The following BBOX1 variants were observed in gnomAD, a reference collection of about 807,000 sequenced individuals.
BBOX1 encodes gamma-butyrobetaine dioxygenase.
BBOX1 carries 35 observed loss-of-function variants against 41.6 expected under a neutral mutation model. The ratio of observed to expected loss-of-function variants is 0.84; its 90% CI spans 0.64 to 1.11. BBOX1 has a LOEUF of 1.11. Among genes scored for constraint, BBOX1 ranks in the 50% most tolerant of loss-of-function variants. BBOX1 has a pLI of 0.00. For synonymous variants in BBOX1, 163 were observed against 154.7 expected, an observed-to-expected ratio of 1.05 and a Z score of -0.40; for missense variants, 458 against 460.6, an observed-to-expected ratio of 0.99 and a Z score of 0.05.
intron 4 of BBOX1, among the ~76,000 whole-genome samples, chr11:27,060,974 T>G (rs554254495): frequency 6.6e-6 from 1 of 152,202 alleles, no homozygotes; most frequent in South Asian, 2.1e-4. Flanking sequence ...TAGTACCGAT[T>G]GTCTGGGTCA....
At chr11:27,094,014 AC>A (rs1466502370) in intron 5 of BBOX1, among the ~76,000 whole-genome samples, 1 of 151,984 alleles carries the variant, frequency 6.6e-6, no homozygotes, top group African/African-American at 2.4e-5. Flanking sequence ...AGTTCATTAA[AC>A]TTTTACCTCC....
chr11:27,067,101 G>A lies in BBOX1; in HGVS notation c.334+9786G>A, dbSNP rs146255118. Among the ~76,000 whole-genome samples the A allele has an allele frequency of 4.9e-4, 75 of 152,226 alleles. 1 individual carries two copies. In the East Asian group the frequency reaches 0.013, roughly 26 times the overall value. The stretch of plus-strand genomic sequence containing the variant: ...AGTGCAATGTTGGGTGAAGGGTAGT[G>A]TTGCACCATACATATCAACTCATTA... On this transcript the variant is annotated intron_variant, in intron 4 of 8. Coordinates refer to ENST00000263182, the MANE Select transcript of BBOX1 (RefSeq NM_003986.3).
intron 4 of BBOX1, among the ~76,000 whole-genome samples, chr11:27,070,065 G>C (rs930427590): frequency 2.0e-5 from 3 of 152,006 alleles, no homozygotes; most frequent in African/African-American, 7.2e-5. Flanking sequence ...CCATGGGTTT[G>C]TATTGTTTTC....
chr11:27,121,802 A>T (rs563091457), intron 7 of BBOX1, among the ~76,000 whole-genome samples: 1 of 152,324 alleles, frequency 6.6e-6, no homozygotes, highest in Non-Finnish European at 1.5e-5. Context: ...ATGACAAATC[A>T]AAATTTTGTT....
In BBOX1 at chr11:27,072,790, T is replaced by C. The variant is rs188543326; in HGVS notation, c.334+15475T>C. Among the ~76,000 whole-genome samples, 291 of 152,262 alleles carry C rather than the reference T, an allele frequency of 1.9e-3. 2 individuals carry two copies. The highest frequency in any genetic ancestry group is 0.018 in the Admixed American group (268 of 15,292). On this transcript the variant is annotated intron_variant, in intron 4 of 8. Transcript: ENST00000263182. ...CACACATCTACAACCATCTGATCTT[T>C]GACAAACCTGACAAAAATAAGAAAT...
At chr11:27,041,610 T>G (rs1408123502) in intron 2 of BBOX1, 132 bp downstream of exon 2, 1 of 151,594 alleles carries the variant, frequency 6.6e-6, no homozygotes, top group Non-Finnish European at 1.5e-5. Flanking sequence ...AGCATCCAAT[T>G]AGAACTCCAT....
chr11:27,115,558 G>T lies in BBOX1; in HGVS notation c.639+1G>T. 1 of 1,605,208 alleles carries T rather than the reference G, an allele frequency of 6.2e-7. No homozygotes were observed. Among genetic ancestry groups the T allele is most frequent in the Non-Finnish European group, 8.5e-7 (1 of 1,174,334 alleles). The stretch of plus-strand genomic sequence containing the variant: ...TCCAGCCCTCCATCATCCACCTGGG[G>T]TAAGTGAGCTTCAACATATTTTCCA... On this transcript the variant is annotated splice_donor_variant, in intron 6 of 8. Transcript: ENST00000263182. LOFTEE classifies it high-confidence loss of function.
chr11:27,125,000 T>C (rs1859600783), intron 7 of BBOX1, among the ~76,000 whole-genome samples: 1 of 152,206 alleles, frequency 6.6e-6, no homozygotes. Flanking sequence ...CAAACATTTA[T>C]TAACTGTCTG....
At chr11:27,072,749 A>C (rs924961117) in intron 4 of BBOX1, among the ~76,000 whole-genome samples, 2 of 152,106 alleles carry the variant, frequency 1.3e-5, no homozygotes, top group Non-Finnish European at 2.9e-5. Flanking sequence ...CAGAACAGAG[A>C]CCTCAGAAAT....
At chr11:27,092,868 C>G (rs939377262) in intron 4 of BBOX1, among the ~76,000 whole-genome samples, 8 of 151,856 alleles carry the variant, frequency 5.3e-5, no homozygotes, top group African/African-American at 1.2e-4. Flanking sequence ...TGAAGAGAAG[C>G]CCTAAGAACA....
intron 4 of BBOX1, among the ~76,000 whole-genome samples, chr11:27,077,574 A>C (rs1857674409): frequency 6.6e-6 from 1 of 150,394 alleles, no homozygotes; most frequent in Non-Finnish European, 1.5e-5. Context: ...TCGTCTTTCC[A>C]AAAGGGAGAG....
At chr11:27,097,639 G>A (rs1463075908) in intron 5 of BBOX1, among the ~76,000 whole-genome samples, 3 of 151,988 alleles carry the variant, frequency 2.0e-5, no homozygotes, top group Admixed American at 6.6e-5. Flanking sequence ...TAAAGCGAAG[G>A]AACAGACTGA....
Position 27,078,389 on chromosome 11 carries a change from G to A in BBOX1, c.335-14779G>A, listed in dbSNP as rs1857708824. On this transcript the variant is annotated intron_variant, in intron 4 of 8. Transcript: ENST00000263182. ...GCACAACGTGCAGTTTTGTTACAAT[G>A]TATACATGTACCATAGTGGTTTGCT... 2.0e-5 allele frequency among the ~76,000 whole-genome samples: 3 copies of A among 152,034 alleles called. No homozygotes were observed. In the South Asian group the frequency reaches 6.2e-4, roughly 32 times the overall value.
In BBOX1 at chr11:27,102,022, T is replaced by G. The variant is rs561436036; in HGVS notation, c.533+8656T>G. Among the ~76,000 whole-genome samples the G allele has an allele frequency of 2.2e-5, 3 of 138,832 alleles. No homozygotes were observed. In the East Asian group the frequency reaches 7.5e-4, roughly 35 times the overall value. The allele number at this position is 138,832 out of a possible 152,430, so 91.1% of individuals were successfully genotyped here. A position where few individuals can be genotyped will look rare whatever the true frequency, so the allele number is the denominator to read the frequency against. On this transcript the variant is annotated intron_variant, in intron 5 of 8. Coordinates refer to ENST00000263182, the MANE Select transcript of BBOX1 (RefSeq NM_003986.3). ...TCCTACTCCCATCCCTTGTAACCAC[T>G]GTTCTATTCTCTGTTACTAAGAATG... is the stretch of plus-strand genomic sequence containing the variant.
At chr11:27,119,248 T>C (rs917396430) in intron 6 of BBOX1, among the ~76,000 whole-genome samples, 4 of 152,158 alleles carry the variant, frequency 2.6e-5, no homozygotes, top group South Asian at 4.1e-4. Context: ...ATCTCATCCA[T>C]TCCCCTTTGC....
intron 4 of BBOX1, among the ~76,000 whole-genome samples, chr11:27,086,029 G>C (rs1858026517): frequency 6.6e-6 from 1 of 152,100 alleles, no homozygotes; most frequent in Non-Finnish European, 1.5e-5. Context: ...AGAAGCTATA[G>C]AAGAAAAGTC....
At chr11:27,097,356 C>T (rs1367213735) in intron 5 of BBOX1, among the ~76,000 whole-genome samples, 1 of 152,000 alleles carries the variant, frequency 6.6e-6, no homozygotes, top group Non-Finnish European at 1.5e-5. Context: ...TTCTATCATA[C>T]ACTGTCATTT....
chr11:27,108,800 G>T (rs985367706), intron 5 of BBOX1, among the ~76,000 whole-genome samples: 5 of 151,914 alleles, frequency 3.3e-5, no homozygotes, highest in African/African-American at 4.8e-5. Context: ...CAATCCCAGG[G>T]AACAGGTGAG....
chr11:27,058,269 G>A (rs911943766), intron 4 of BBOX1, among the ~76,000 whole-genome samples: 1 of 152,118 alleles, frequency 6.6e-6, no homozygotes, highest in East Asian at 1.9e-4. Flanking sequence ...TCCAGAAGTT[G>A]AGCAGATGTC....
Sources: gnomAD v4.1 joint callset for allele counts (sites outside exome capture counted in the v4.1 genomes callset) on GRCh38, gnomAD v4.1.1 for gene constraint, MANE v1.5 for transcripts, NCBI Gene and HGNC (gene_info 2026-07-23, HGNC 2026-07-21) for gene names.